STX18: variants seen among roughly 807,000 people sequenced by gnomAD.
STX18 encodes syntaxin 18, also known as syntaxin-18.
In STX18, 40 loss-of-function variants were observed where a neutral mutation model predicts 50.1. The ratio of observed to expected loss-of-function variants is 0.80; its 90% CI spans 0.62 to 1.04. The LOEUF (loss-of-function observed/expected upper bound fraction) is 1.04, where lower values mean the gene tolerates loss of function less well. Ranked by LOEUF, STX18 falls within the 50% of genes least tolerant of loss-of-function variation. STX18 has a pLI of 0.00. For missense variants in STX18, 410 were observed against 415.8 expected (o/e 0.99, Z 0.12); for synonymous variants, 158 against 151.8 (o/e 1.04, Z -0.30).
chr4:4,541,928 C>T lies in STX18; in HGVS notation c.37G>A (p.Val13Ile). 1 of 1,609,088 alleles carries T rather than the reference C, an allele frequency of 6.2e-7. No individual in the cohort carries two copies. The highest frequency in any genetic ancestry group is 2.2e-5 in the East Asian group (1 of 44,602). ...TTGTTCCGCGTCTTCACGGTCTTGA[C>T]GCTGGCCCGGAATAGCAGCGTGATG... ...VDITLLFRAS[V>I]KTVKTRNKAL... Residue 13 changes from valine (V) to isoleucine (I), a missense_variant, in exon 1 of 11, where the codon GTC becomes ATC. Physicochemically the swap from Val to Ile is conservative, Grantham distance 29. Transcript: ENST00000306200.
intron 1 of STX18, among the ~76,000 whole-genome samples, chr4:4,523,937 C>A (rs1240591759): frequency 6.6e-6 from 1 of 152,178 alleles, no homozygotes; most frequent in African/African-American, 2.4e-5. Flanking sequence ...TATGCCCTCT[C>A]CCTTTAACCC....
At chr4:4,422,045 T>C (rs376122750) in intron 9 of STX18, among the ~76,000 whole-genome samples, 1 of 151,960 alleles carries the variant, frequency 6.6e-6, no homozygotes, top group Non-Finnish European at 1.5e-5. Flanking sequence ...GCGTGGGTTT[T>C]TAGAGAAACC....
In STX18 at chr4:4,471,868, A is replaced by G. The variant is rs78246053; in HGVS notation, c.169-162T>C. On this transcript the variant is annotated intron_variant, in intron 1 of 10. Coordinates refer to ENST00000306200, the MANE Select transcript of STX18 (RefSeq NM_016930.4). ...CTCGTACAGTCACAAATTAGTTACCATTCCTGGGCCTCAGTCTCTCATCGA... is the reference window on the plus strand; with the variant it reads ...CTCGTACAGTCACAAATTAGTTACCGTTCCTGGGCCTCAGTCTCTCATCGA... Among the ~76,000 whole-genome samples, 396 of 152,318 alleles carry G rather than the reference A, an allele frequency of 2.6e-3. 3 individuals carry two copies. Among genetic ancestry groups the G allele is most frequent in the African/African-American group, 8.9e-3 (372 of 41,572 alleles).
At chr4:4,492,123 C>A (rs932452520) in intron 1 of STX18, among the ~76,000 whole-genome samples, 1 of 152,048 alleles carries the variant, frequency 6.6e-6, no homozygotes, top group African/African-American at 2.4e-5. Context: ...GAGCTGTCAA[C>A]TCTCTCCTGG....
At chr4:4,517,820 AGGCT>A (rs1037684522) in intron 1 of STX18, among the ~76,000 whole-genome samples, 3 of 146,512 alleles carry the variant, frequency 2.0e-5, no homozygotes, top group Admixed American at 1.4e-4. Flanking sequence ...TCTGTTGCCC[AGGCT>A]GGAGTGTAGG....
At chr4:4,423,913 G>A (rs11931787) in intron 8 of STX18, 35,721 of 361,440 alleles carry the variant, frequency 0.099, 3,450 homozygotes, top group African/African-American at 0.34. Context: ...GGGCCTGGTT[G>A]TGCCCCAGTT....
intron 5 of STX18, among the ~76,000 whole-genome samples, chr4:4,439,345 ATAC>A (rs1225825277): frequency 1.3e-5 from 2 of 148,802 alleles, no homozygotes; most frequent in Non-Finnish European, 3.0e-5. Context: ...CCACATACAT[ATAC>A]TACATATATA....
intron 1 of STX18, among the ~76,000 whole-genome samples, chr4:4,517,660 T>C (rs1730333736): frequency 1.3e-5 from 2 of 152,230 alleles, no homozygotes; most frequent in African/African-American, 4.8e-5. Flanking sequence ...ACAGATAATC[T>C]TGTGTTTTTA....
At chr4:4,422,223 G>A (rs1725005814) in intron 9 of STX18, among the ~76,000 whole-genome samples, 1 of 150,582 alleles carries the variant, frequency 6.6e-6, no homozygotes, top group African/African-American at 2.5e-5. Context: ...GAACTACAAT[G>A]CAACACTGAT....
rs968979146 is a variant in STX18, at chr4:4,491,414, G to A, written c.169-19708C>T. 3.3e-5 allele frequency among the ~76,000 whole-genome samples: 5 copies of A among 152,138 alleles called. No individual in the cohort carries two copies. The South Asian group carries it at 1.0e-3, about 32-fold the overall frequency. ...GAAATGATACCATAATACTAACGTA[G>A]GAAAAAGGATATATATTAATTTCAT... On this transcript the variant is annotated intron_variant, in intron 1 of 10. Coordinates refer to ENST00000306200, the MANE Select transcript of STX18 (RefSeq NM_016930.4).
chr4:4,517,777 T>C (rs1001392572), intron 1 of STX18, among the ~76,000 whole-genome samples: 8 of 151,204 alleles, frequency 5.3e-5, no homozygotes, highest in African/African-American at 1.5e-4. Context: ...GTTTTTTTTT[T>C]CTTTATTTTT....
chr4:4,497,149 C>T (rs1029142969), intron 1 of STX18, among the ~76,000 whole-genome samples: 8 of 152,184 alleles, frequency 5.3e-5, no homozygotes, highest in Admixed American at 5.2e-4. Flanking sequence ...GCTCCAGGGC[C>T]AGGCGAGGGC....
intron 1 of STX18, among the ~76,000 whole-genome samples, chr4:4,498,978 T>G (rs971668803): frequency 1.8e-4 from 28 of 152,212 alleles, no homozygotes; most frequent in African/African-American, 6.8e-4. Flanking sequence ...TCCTTGGTTA[T>G]GGCATATGAA....
At chr4:4,499,629 C>G in intron 1 of STX18, 1 of 676,028 alleles carries the variant, frequency 1.5e-6, no homozygotes, top group East Asian at 1.4e-4. Context: ...GCTAATCCAA[C>G]TTAATCATTA....
At chr4:4,542,103 G>A (rs1731640161), upstream of STX18, 18 of 1,131,626 alleles carry the variant, frequency 1.6e-5, no homozygotes, top group East Asian at 1.9e-4. Context: ...GAAAGGTTCC[G>A]GCCTGCGCCC....
chr4:4,477,295 C>G (rs930606343), intron 1 of STX18, among the ~76,000 whole-genome samples: 4 of 152,096 alleles, frequency 2.6e-5, no homozygotes, highest in African/African-American at 9.7e-5. Context: ...CTTCTTTTAA[C>G]ATTTTTAGTC....
intron 1 of STX18, among the ~76,000 whole-genome samples, chr4:4,529,455 C>T (rs28668669): frequency 6.6e-6 from 1 of 151,668 alleles, no homozygotes; most frequent in African/African-American, 2.4e-5. Flanking sequence ...GTTAGTCAAG[C>T]ACTTTCAAAT....
intron 1 of STX18, among the ~76,000 whole-genome samples, chr4:4,492,271 C>A (rs186157995): frequency 6.6e-6 from 1 of 152,056 alleles, no homozygotes; most frequent in Non-Finnish European, 1.5e-5. Flanking sequence ...GAAATAAGAA[C>A]CTTCTTTCGA....
chr4:4,523,646 T>TA (rs1363890566), intron 1 of STX18, among the ~76,000 whole-genome samples: 1 of 152,196 alleles, frequency 6.6e-6, no homozygotes, highest in African/African-American at 2.4e-5. Flanking sequence ...CCTAGCTCTA[T>TA]AGTAACGAGC....
Sources: allele counts gnomAD v4.1 joint callset (sites outside exome capture counted in the v4.1 genomes callset), GRCh38; gene constraint gnomAD v4.1.1; transcripts MANE v1.5; gene names NCBI Gene and HGNC (gene_info 2026-07-23, HGNC 2026-07-21).